NALF1: variants seen among roughly 807,000 people sequenced by gnomAD.
The protein encoded by NALF1 is NALCN channel auxiliary factor 1, also known as family with sequence similarity 155 member A.
Under a neutral mutation model 48.4 loss-of-function variants are expected in NALF1, and 3 were observed. That is an observed-to-expected ratio of 0.06 (90% CI 0.03 to 0.16). The LOEUF is 0.16. NALF1 is among the 10% of genes least tolerant of loss of function. NALF1 has a pLI of 1.00. For missense variants in NALF1, 526 were observed against 571.5 expected, an observed-to-expected ratio of 0.92 and a Z score of 0.81; for synonymous variants, 262 against 245.7, an observed-to-expected ratio of 1.07 and a Z score of -0.62.
At chr13:107,589,012 A>G (rs1347599008) in intron 1 of NALF1, among the ~76,000 whole-genome samples, 1 of 152,124 alleles carries the variant, frequency 6.6e-6, no homozygotes, top group Admixed American at 6.6e-5. Context: ...TTAGCCTAAA[A>G]TATTCAGGAC....
At chr13:107,630,201 C>T (rs1879796798) in intron 1 of NALF1, among the ~76,000 whole-genome samples, 1 of 152,044 alleles carries the variant, frequency 6.6e-6, no homozygotes, top group Admixed American at 6.6e-5. Context: ...GGGTTAAGTA[C>T]ATTCTCTTAC....
chr13:107,706,397 C>T (rs1881948091), intron 1 of NALF1, among the ~76,000 whole-genome samples: 1 of 152,182 alleles, frequency 6.6e-6, no homozygotes, highest in South Asian at 2.1e-4. Context: ...GCAGTTACTT[C>T]ACTAAGCCTA....
At chr13:107,476,714 A>G (rs1339068620) in intron 1 of NALF1, among the ~76,000 whole-genome samples, 2 of 152,058 alleles carry the variant, frequency 1.3e-5, no homozygotes, top group East Asian at 3.9e-4. Flanking sequence ...TTTTGCATTT[A>G]ATATCATAAG....
At chr13:107,563,738 ACT>A (rs1419345993) in intron 1 of NALF1, among the ~76,000 whole-genome samples, 1 of 152,244 alleles carries the variant, frequency 6.6e-6, no homozygotes, top group Non-Finnish European at 1.5e-5. Flanking sequence ...CATTCTGGTC[ACT>A]GGCAGCAGCA....
At chr13:107,755,092 G>A (rs1358177955) in intron 1 of NALF1, among the ~76,000 whole-genome samples, 1 of 152,100 alleles carries the variant, frequency 6.6e-6, no homozygotes, top group South Asian at 2.1e-4. Flanking sequence ...AAAGGCATAA[G>A]GAGTTAAAAC....
chr13:107,429,619 C>A (rs1223400206), intron 1 of NALF1, among the ~76,000 whole-genome samples: 1 of 152,162 alleles, frequency 6.6e-6, no homozygotes, highest in Non-Finnish European at 1.5e-5. Flanking sequence ...GGGCACTGAA[C>A]TCTTGCCTTC....
intron 1 of NALF1, among the ~76,000 whole-genome samples, chr13:107,330,084 T>G (rs1882440502): frequency 6.6e-6 from 1 of 152,140 alleles, no homozygotes; most frequent in South Asian, 2.1e-4. Context: ...CTGCCCAGGA[T>G]GGACCCTAGG....
chr13:107,718,506 C>T (rs1875888365), intron 1 of NALF1, among the ~76,000 whole-genome samples: 1 of 152,122 alleles, frequency 6.6e-6, no homozygotes. Context: ...CTCAGCTTGG[C>T]TTGAGCAAGG....
chr13:107,505,000 A>T (rs893707178), intron 1 of NALF1, among the ~76,000 whole-genome samples: 1 of 152,210 alleles, frequency 6.6e-6, no homozygotes, highest in Non-Finnish European at 1.5e-5. Flanking sequence ...AGCAGGGAAA[A>T]CAGACAGTGC....
intron 1 of NALF1, among the ~76,000 whole-genome samples, chr13:107,550,735 G>A (rs1877268543): frequency 6.6e-6 from 1 of 152,082 alleles, no homozygotes; most frequent in Non-Finnish European, 1.5e-5. Flanking sequence ...GAGCTGAAAA[G>A]GAAAGAAGGG....
At chr13:107,401,341 G>A (rs892818094) in intron 1 of NALF1, among the ~76,000 whole-genome samples, 1 of 152,132 alleles carries the variant, frequency 6.6e-6, no homozygotes, top group Non-Finnish European at 1.5e-5. Flanking sequence ...GAGTCTTGGG[G>A]TATATCCTCC....
chr13:107,743,539 A>T (rs1876697966), intron 1 of NALF1, among the ~76,000 whole-genome samples: 1 of 152,248 alleles, frequency 6.6e-6, no homozygotes, highest in Admixed American at 6.5e-5. Flanking sequence ...TCCGTTAGAG[A>T]TGATATTTAA....
intron 1 of NALF1, among the ~76,000 whole-genome samples, chr13:107,493,207 G>T (rs937936829): frequency 7.2e-5 from 11 of 152,166 alleles, no homozygotes; most frequent in African/African-American, 2.7e-4. Flanking sequence ...GCTCCGTGCT[G>T]CTGGATAAAG....
intron 1 of NALF1, among the ~76,000 whole-genome samples, chr13:107,782,371 C>A (rs1276651427): frequency 6.6e-6 from 1 of 152,180 alleles, no homozygotes; most frequent in African/African-American, 2.4e-5. Context: ...GGTGCCCAGG[C>A]TGGAGTGCAG....
intron 1 of NALF1, among the ~76,000 whole-genome samples, chr13:107,394,834 T>C (rs1311034635): frequency 6.6e-6 from 1 of 151,742 alleles, no homozygotes; most frequent in East Asian, 1.9e-4. Context: ...GAAGGAACAA[T>C]AGGAGAAAAA....
chr13:107,264,570 A>G (rs1881003151), intron 1 of NALF1, among the ~76,000 whole-genome samples: 1 of 152,228 alleles, frequency 6.6e-6, no homozygotes, highest in South Asian at 2.1e-4. Flanking sequence ...GAGGAAAAAA[A>G]AGGAACAAAG....
chr13:107,777,408 G>C (rs1877766465), intron 1 of NALF1, among the ~76,000 whole-genome samples: 1 of 152,138 alleles, frequency 6.6e-6, no homozygotes, highest in Non-Finnish European at 1.5e-5. Flanking sequence ...ATCTCACGTT[G>C]AATTGCAATC....
At position 107,269,201 on chromosome 13, in the gene NALF1, G is replaced by A. The variant is rs1881105081; in HGVS notation, c.916-58446C>T. ...AAAAGAATTTAAAAAAATAGAAATTGAGAAATTGTGGGTGGGAGTACAGTA... is the reference window on the plus strand; with the variant it reads ...AAAAGAATTTAAAAAAATAGAAATTAAGAAATTGTGGGTGGGAGTACAGTA... On this transcript the variant is annotated intron_variant, in intron 1 of 2. Transcript: ENST00000375915. 2.6e-5 allele frequency among the ~76,000 whole-genome samples: 4 copies of A among 151,946 alleles called. No individual in the cohort carries two copies. The South Asian group carries it at 8.3e-4, about 32-fold the overall frequency.
intron 1 of NALF1, among the ~76,000 whole-genome samples, chr13:107,291,187 A>T (rs80337216): frequency 0.037 from 5,620 of 151,914 alleles, 127 homozygotes; most frequent in African/African-American, 0.063. Flanking sequence ...ATATTTCTTT[A>T]TTCTGGAAGT....
Sources: gnomAD v4.1 joint callset for allele counts (sites outside exome capture counted in the v4.1 genomes callset) on GRCh38, gnomAD v4.1.1 for gene constraint, MANE v1.5 for transcripts, NCBI Gene and HGNC (gene_info 2026-07-23, HGNC 2026-07-21) for gene names.